MMP26: variants seen among roughly 807,000 people sequenced by gnomAD.
MMP26 encodes the protein matrix metalloproteinase-26.
Under a neutral mutation model 31.0 loss-of-function variants are expected in MMP26, and 33 were observed. That is an observed-to-expected ratio of 1.06 (90% CI 0.81 to 1.42). MMP26 has a LOEUF of 1.42. Ranked by LOEUF, MMP26 falls within the 40% of genes most tolerant of loss-of-function variation. MMP26 has a pLI of 0.00. For missense variants in MMP26, 347 were observed against 316.1 expected (o/e 1.10, Z -0.74); for synonymous variants, 122 against 114.9 (o/e 1.06, Z -0.40).
At chr11:4,852,835 G>A (rs945243065) in intron 2 of MMP26, among the ~76,000 whole-genome samples, 2 of 152,024 alleles carry the variant, frequency 1.3e-5, no homozygotes, top group Admixed American at 1.3e-4. Context: ...TGTACGAAGA[G>A]GTTAAAAAGT....
rs1313616142 is a variant in MMP26, at chr11:4,935,332, G to A, written c.-144-52736G>A. 2.0e-5 allele frequency among the ~76,000 whole-genome samples: 3 copies of A among 151,752 alleles called. No homozygotes were observed. In the East Asian group the frequency reaches 5.8e-4, roughly 29 times the overall value. ...GATTCCTAGGTATTTTATTCTCTTT[G>A]AAGCAATTGCGAATGGGAGTTCACT... On this transcript the variant is annotated intron_variant, in intron 2 of 7. Coordinates refer to ENST00000380390, the MANE Select transcript of MMP26 (RefSeq NM_021801.5).
intron 2 of MMP26, among the ~76,000 whole-genome samples, chr11:4,780,737 A>C (rs1485684897): frequency 6.6e-6 from 1 of 152,018 alleles, no homozygotes; most frequent in Admixed American, 6.5e-5. Flanking sequence ...AAGAAAACAT[A>C]TTTTTTTGCA....
rs979206933 is a variant in MMP26 at position 4,780,853 on chromosome 11, A to G, written c.-145+13512A>G. Among the ~76,000 whole-genome samples, 62 of 151,480 alleles carry G rather than the reference A, an allele frequency of 4.1e-4. 1 individual carries two copies. Among genetic ancestry groups the G allele is most frequent in the African/African-American group, 1.5e-3 (60 of 41,374 alleles). ...TATAAACATATATTGATAAATATAT[A>G]AATTAATGTATCTATAAATAAATCT... On this transcript the variant is annotated intron_variant, in intron 2 of 7. Transcript: ENST00000380390.
chr11:4,924,076 C>A (rs1564808185), intron 2 of MMP26: 1 of 1,614,100 alleles, frequency 6.2e-7, no homozygotes, highest in African/African-American at 1.3e-5. Flanking sequence ...TGGTATCAAA[C>A]CAGAAAATGC....
At chr11:4,779,616 C>T (rs1281329782) in intron 2 of MMP26, among the ~76,000 whole-genome samples, 1 of 152,046 alleles carries the variant, frequency 6.6e-6, no homozygotes, top group East Asian at 1.9e-4. Context: ...ACCTCTGAAG[C>T]TGAATATTTC....
At chr11:4,792,374 C>T (rs1159578360) in intron 2 of MMP26, among the ~76,000 whole-genome samples, 1 of 152,130 alleles carries the variant, frequency 6.6e-6, no homozygotes, top group Non-Finnish European at 1.5e-5. Context: ...CTATCGCCCT[C>T]CCTCCAGCCC....
chr11:4,932,075 C>G (rs920975830), intron 2 of MMP26, among the ~76,000 whole-genome samples: 1 of 152,048 alleles, frequency 6.6e-6, no homozygotes, highest in African/African-American at 2.4e-5. Context: ...GCACTTACTA[C>G]AAACAACTCC....
At chr11:4,729,298 G>C (rs1282683686) in intron 1 of MMP26, among the ~76,000 whole-genome samples, 1 of 152,092 alleles carries the variant, frequency 6.6e-6, no homozygotes, top group Admixed American at 6.5e-5. Flanking sequence ...AATCCTGACA[G>C]CCAAGCAGGT....
rs191612759 is a variant in MMP26 at position 4,849,658 on chromosome 11, T to C, written c.-145+82317T>C. 3.6e-3 allele frequency among the ~76,000 whole-genome samples: 555 copies of C among 152,292 alleles called. 2 individuals carry two copies. The highest frequency in any genetic ancestry group is 5.9e-3 in the Non-Finnish European group (401 of 68,016). Reference sequence around the variant, plus strand: ...TTTTGGTGCACTTTAACTGTTCTTATTAAGTCCCCAATTACTCCTTTATTT... The same window carrying C: ...TTTTGGTGCACTTTAACTGTTCTTACTAAGTCCCCAATTACTCCTTTATTT... On this transcript the variant is annotated intron_variant, in intron 2 of 7. Transcript: ENST00000380390.
chr11:4,742,830 A>G (rs1342265837), intron 1 of MMP26, among the ~76,000 whole-genome samples: 3 of 152,146 alleles, frequency 2.0e-5, no homozygotes, highest in Non-Finnish European at 2.9e-5. Flanking sequence ...GAATCCTACA[A>G]TGTGTCAGGC....
rs753482477 is a variant in MMP26 at position 4,992,277 on chromosome 11, C to G, written c.*35C>G. 14 of 1,594,980 alleles carry G rather than the reference C, an allele frequency of 8.8e-6. No individual in the cohort carries two copies. In the South Asian group the frequency reaches 1.5e-4, roughly 17 times the overall value. ...AGAGGACTTATTCAACCTGTCCTTT[C>G]AGGGAGTTTATTGGAGGATCAAAGA... On this transcript the variant is annotated 3_prime_UTR_variant, in exon 8 of 8. Transcript: ENST00000380390.
chr11:4,857,546 A>G (rs1479920158), intron 2 of MMP26, among the ~76,000 whole-genome samples: 1 of 152,218 alleles, frequency 6.6e-6, no homozygotes, highest in African/African-American at 2.4e-5. Context: ...ATCCCTGAAT[A>G]GACCAATAAC....
chr11:4,821,860 G>A, intron 2 of MMP26: 2 of 1,613,748 alleles, frequency 1.2e-6, no homozygotes, highest in Non-Finnish European at 1.7e-6. Context: ...TGCCAAGATT[G>A]GGATGAGCAT....
chr11:4,844,058 C>T (rs571570480), intron 2 of MMP26, among the ~76,000 whole-genome samples: 5 of 151,848 alleles, frequency 3.3e-5, no homozygotes, highest in Non-Finnish European at 7.4e-5. Flanking sequence ...AGAGATGATC[C>T]AAATAAATAA....
At chr11:4,820,120 T>G (rs1849475237) in intron 2 of MMP26, among the ~76,000 whole-genome samples, 1 of 152,166 alleles carries the variant, frequency 6.6e-6, no homozygotes, top group Admixed American at 6.5e-5. Context: ...CCTGGAGCCT[T>G]TGTCAGACTG....
chr11:4,969,357 G>C (rs1846636264), intron 2 of MMP26, among the ~76,000 whole-genome samples: 1 of 151,916 alleles, frequency 6.6e-6, no homozygotes, highest in African/African-American at 2.4e-5. Flanking sequence ...TATCTTATTA[G>C]AAATGACCTA....
chr11:4,936,571 A>T (rs918404221), intron 2 of MMP26, among the ~76,000 whole-genome samples: 3 of 152,176 alleles, frequency 2.0e-5, no homozygotes, highest in Non-Finnish European at 2.9e-5. Context: ...TGAGGAAAAT[A>T]GTTAGATCTT....
intron 2 of MMP26, among the ~76,000 whole-genome samples, chr11:4,888,630 T>C (rs1346892562): frequency 1.3e-5 from 2 of 152,154 alleles, no homozygotes; most frequent in Non-Finnish European, 2.9e-5. Context: ...TTATGGAACT[T>C]TGCCGTAACA....
chr11:4,757,562 C>CAATATAAACTCATATACATAAAATGT (rs577863847), intron 1 of MMP26, among the ~76,000 whole-genome samples: 2,309 of 151,632 alleles, frequency 0.015, 26 homozygotes, highest in Non-Finnish European at 0.023. Context: ...AAAATATTTG[C>CAATATAAACTCATATACATAAAATGT]ATAAAAAACT....
Sources: gnomAD v4.1 joint callset for allele counts (sites outside exome capture counted in the v4.1 genomes callset) on GRCh38, gnomAD v4.1.1 for gene constraint, MANE v1.5 for transcripts, NCBI Gene and HGNC (gene_info 2026-07-23, HGNC 2026-07-21) for gene names.